The following UTS2B variants were observed in gnomAD, a reference collection of about 807,000 sequenced individuals.
UTS2B encodes urotensin-2B.
A neutral mutation model predicts 19.2 loss-of-function variants in UTS2B; 21 were observed. The observed-to-expected ratio is 1.09, with a 90% confidence interval of 0.78 to 1.58. The LOEUF is 1.58. Among genes scored for constraint, UTS2B ranks in the 40% most tolerant of loss-of-function variants. The pLI is 0.00. For synonymous variants in UTS2B, 57 were observed against 50.2 expected (o/e 1.14, Z -0.58); for missense variants, 138 against 130.3 (o/e 1.06, Z -0.29).
chr3:191,340,191 G>A, the UTS2B span, among the ~76,000 whole-genome samples: 1 of 152,288 alleles, frequency 6.6e-6, no homozygotes, highest in South Asian at 2.1e-4. Context: ...GATTTGGAAG[G>A]TGACTTGTCA....
At chr3:191,329,124 TTGAGGCCTTTAGGATACAAGGCCCCCACC>T (rs967002421) in intron 1 of UTS2B, 3 of 154,056 alleles carry the variant, frequency 1.9e-5, no homozygotes, top group Non-Finnish European at 4.3e-5. Context: ...GGCCTTTTTG[TTGAGGCCTTTAGGATACAAGGCCCCCACC>T]TAAAGACGCG....
rs536271542 is a variant in UTS2B, at chr3:191,299,312, A to G, written c.-125+5180T>C. On this transcript the variant is annotated intron_variant, in intron 4 of 8. Transcript: ENST00000340524. ...GAGACCTTTAGGGGCAGTCCCTCCC[A>G]TCATATGCCCAGAGGTCTAGGACGG... Among the ~76,000 whole-genome samples, 6 of 152,364 alleles carry G rather than the reference A, an allele frequency of 3.9e-5. No homozygotes were observed. The East Asian group carries it at 7.7e-4, about 20-fold the overall frequency.
intron 4 of UTS2B, among the ~76,000 whole-genome samples, chr3:191,289,440 AAATAAAT>A (rs1716651038): frequency 6.9e-6 from 1 of 145,566 alleles, no homozygotes; most frequent in East Asian, 2.0e-4. Flanking sequence ...ATAAATAAAT[AAATAAAT>A]AAAAAACAAA....
chr3:191,292,998 G>A (rs558657836), intron 4 of UTS2B, among the ~76,000 whole-genome samples: 98 of 150,690 alleles, frequency 6.5e-4, no homozygotes, highest in African/African-American at 2.3e-3. Flanking sequence ...GAAAGACCTC[G>A]TCTTAAAAAA....
chr3:191,283,347 C>G (rs1467555408), intron 4 of UTS2B, among the ~76,000 whole-genome samples: 2 of 152,168 alleles, frequency 1.3e-5, no homozygotes, highest in Non-Finnish European at 2.9e-5. Context: ...ATTCTACAAC[C>G]TGCCATTTTA....
chr3:191,276,940 G>C, intron 6 of UTS2B, 96 bp from the exon 7 acceptor site: 2 of 1,099,186 alleles, frequency 1.8e-6, no homozygotes, highest in Non-Finnish European at 2.6e-6. Context: ...AGAAAGCATA[G>C]GTCTTTTTCA....
chr3:191,286,952 A>G (rs2364375), intron 4 of UTS2B, among the ~76,000 whole-genome samples: 76,526 of 151,588 alleles, frequency 0.5, 21,083 homozygotes, highest in Middle Eastern at 0.63. Context: ...CAGAAATACA[A>G]TTGATCATGA....
At chr3:191,269,266 G>A (rs976492987) in intron 8 of UTS2B, among the ~76,000 whole-genome samples, 8 of 152,180 alleles carry the variant, frequency 5.3e-5, no homozygotes, top group Non-Finnish European at 1.0e-4. Context: ...TGAAATGAAT[G>A]ATAAATTTCT....
Position 191,275,285 on chromosome 3 carries a change from C to T in UTS2B, c.301G>A (p.Asp101Asn). Residue 101 changes from aspartate (D) to asparagine (N), a missense_variant, in exon 8 of 9, where the codon GAT (aspartate) becomes AAT (asparagine). Physicochemically the swap from Asp to Asn is conservative, Grantham distance 23. Transcript: ENST00000340524. The stretch of plus-strand genomic sequence containing the variant: ...CTAGGATGAGAAGAGAATAGACCAT[C>T]TACAGCATAGGACGTCTCAGAATCC... ...EKDSETSYAVDGLFSSHPSKR... is the reference protein window; with the variant it reads ...EKDSETSYAVNGLFSSHPSKR... 6.2e-7 allele frequency: 1 copy of T among 1,613,754 alleles called. No individual in the cohort carries two copies. Among genetic ancestry groups the T allele is most frequent in the Non-Finnish European group, 8.5e-7 (1 of 1,179,736 alleles).
intron 3 of UTS2B, among the ~76,000 whole-genome samples, chr3:191,306,482 T>C (rs534532335): frequency 3.3e-5 from 5 of 152,334 alleles, no homozygotes; most frequent in Middle Eastern, 6.8e-3. Flanking sequence ...TGACATACAA[T>C]AGCAACCAGA....
intron 2 of UTS2B, among the ~76,000 whole-genome samples, chr3:191,327,609 A>T (rs1245561910): frequency 1.3e-5 from 2 of 152,198 alleles, no homozygotes; most frequent in Admixed American, 1.3e-4. Flanking sequence ...GGGTTAAAGG[A>T]AAGAAGAATA....
intron 4 of UTS2B, among the ~76,000 whole-genome samples, chr3:191,295,114 CAT>C (rs1716824256): frequency 6.6e-6 from 1 of 152,096 alleles, no homozygotes; most frequent in Admixed American, 6.5e-5. Context: ...TTAGGACACT[CAT>C]ATAATCTTCT....
intron 2 of UTS2B, among the ~76,000 whole-genome samples, chr3:191,319,359 C>CT (rs576004351): frequency 2.6e-5 from 4 of 152,188 alleles, no homozygotes; most frequent in Non-Finnish European, 2.9e-5. Flanking sequence ...TATTTTACTT[C>CT]TTTTTCTAAC....
chr3:191,337,830 T>G, the UTS2B span, among the ~76,000 whole-genome samples: 1 of 148,276 alleles, frequency 6.7e-6, no homozygotes, highest in African/African-American at 2.5e-5. Flanking sequence ...TTTCCTTACG[T>G]TTTTTTTTTA....
Position 191,277,342 on chromosome 3 carries a change from T to TA in UTS2B, c.203-499dup, listed in dbSNP as rs562339394. On this transcript the variant is annotated intron_variant, in intron 6 of 8. Coordinates refer to ENST00000340524, the MANE Select transcript of UTS2B (RefSeq NM_198152.5). ...CAATAAGAATATATTACTTTTAGTT[T>TA]AAAAACCCTGAATTTTAAAAGTATT... 4.7e-3 allele frequency among the ~76,000 whole-genome samples: 720 copies of TA among 152,268 alleles called. 4 individuals are homozygous for TA. Among genetic ancestry groups the TA allele is most frequent in the African/African-American group, 0.016 (645 of 41,582 alleles).
intron 2 of UTS2B, among the ~76,000 whole-genome samples, chr3:191,322,650 T>C (rs1717640494): frequency 6.6e-6 from 1 of 152,036 alleles, no homozygotes; most frequent in Admixed American, 6.5e-5. Context: ...ATATGACAAA[T>C]GTTTGTTAAG....
chr3:191,315,430 G>A lies in UTS2B; in HGVS notation c.-182+606C>T, dbSNP rs1328047553. Among the ~76,000 whole-genome samples the A allele has an allele frequency of 2.6e-5, 4 of 152,300 alleles. No homozygotes were observed. In the East Asian group the frequency reaches 7.7e-4, roughly 29 times the overall value. On this transcript the variant is annotated intron_variant, in intron 3 of 8. Coordinates refer to ENST00000340524, the MANE Select transcript of UTS2B (RefSeq NM_198152.5). ...CCTGTGGTTGGCATAGGAAGTGAAG[G>A]GCAGTCTTGGATACTGAGCCCTAAG...
At chr3:191,328,794 C>G (rs1037230846) in intron 1 of UTS2B, 85 bp from the exon 2 acceptor site, 4 of 152,228 alleles carry the variant, frequency 2.6e-5, no homozygotes, top group African/African-American at 9.7e-5. Flanking sequence ...CTCGTTATCA[C>G]CCACAGTACC....
At chr3:191,295,116 T>C (rs1039789025) in intron 4 of UTS2B, among the ~76,000 whole-genome samples, 1 of 152,012 alleles carries the variant, frequency 6.6e-6, no homozygotes, top group Non-Finnish European at 1.5e-5. Context: ...AGGACACTCA[T>C]ATAATCTTCT....
Sources: allele counts gnomAD v4.1 joint callset (sites outside exome capture counted in the v4.1 genomes callset), GRCh38; gene constraint gnomAD v4.1.1; transcripts MANE v1.5; gene names NCBI Gene and HGNC (gene_info 2026-07-23, HGNC 2026-07-21).